PLCH1: variants seen among roughly 807,000 people sequenced by gnomAD.
The protein encoded by PLCH1 is phospholipase C eta 1, also known as 1-phosphatidylinositol 4,5-bisphosphate phosphodiesterase eta-1.
Under a neutral mutation model 126.7 loss-of-function variants are expected in PLCH1, and 60 were observed. The observed-to-expected ratio is 0.47, with a 90% CI of 0.38 to 0.59. PLCH1 has a LOEUF of 0.59. PLCH1 is among the 20% of genes least tolerant of loss of function. PLCH1 has a pLI of 0.00. For missense variants in PLCH1, 1,723 were observed against 2,040.0 expected (o/e 0.84, Z 2.99); for synonymous variants, 719 against 734.9 (o/e 0.98, Z 0.35).
intron 2 of PLCH1, among the ~76,000 whole-genome samples, chr3:155,681,862 G>T (rs182164353): frequency 8.5e-4 from 130 of 152,236 alleles, no homozygotes; most frequent in Admixed American, 9.8e-4. Context: ...AAATAGGGGG[G>T]TTTTTTACTA....
rs1559963329 is a variant in PLCH1 at position 155,722,227 on chromosome 3, G to GCC, written c.-40-17964_-40-17963insGG. ...TGCCCAGGCTGGAGTGCAATGACGT[G>GCC]ATCTCGGCTCACCGCAACCTCTGCC... On this transcript the variant is annotated intron_variant, in intron 1 of 22. Coordinates refer to ENST00000460012, the MANE Select transcript of PLCH1 (RefSeq NM_014996.4). Among the ~76,000 whole-genome samples, 12 of 151,368 alleles carry GCC rather than the reference G, an allele frequency of 7.9e-5. No individual in the cohort carries two copies. In the East Asian group the frequency reaches 1.2e-3, roughly 15 times the overall value.
chr3:155,581,815 C>T (rs140781575), intron 6 of PLCH1, among the ~76,000 whole-genome samples: 2 of 149,514 alleles, frequency 1.3e-5, no homozygotes, highest in Admixed American at 6.7e-5. Context: ...GACGCTATCT[C>T]GGCTCACCAC....
chr3:155,535,037 T>C (rs1723172244), intron 10 of PLCH1, among the ~76,000 whole-genome samples: 1 of 152,162 alleles, frequency 6.6e-6, no homozygotes, highest in Non-Finnish European at 1.5e-5. Context: ...GAGAGAAGGA[T>C]TTGGCCTTAC....
intron 2 of PLCH1, among the ~76,000 whole-genome samples, chr3:155,598,077 G>T (rs1733213620): frequency 6.6e-6 from 1 of 152,018 alleles, no homozygotes; most frequent in African/African-American, 2.4e-5. Flanking sequence ...TCAGGTATTT[G>T]GGAGGTTAAG....
intron 6 of PLCH1, among the ~76,000 whole-genome samples, chr3:155,571,738 T>G (rs985802698): frequency 6.6e-6 from 1 of 152,216 alleles, no homozygotes; most frequent in African/African-American, 2.4e-5. Context: ...AATGCTATAT[T>G]GTACACTTTA....
At chr3:155,552,725 T>C (rs1038398241) in intron 9 of PLCH1, among the ~76,000 whole-genome samples, 1 of 152,124 alleles carries the variant, frequency 6.6e-6, no homozygotes, top group Non-Finnish European at 1.5e-5. Flanking sequence ...TGCCTGTGTA[T>C]TGAGAGAGCT....
chr3:155,482,104 G>GTAACCAGCC lies in PLCH1; in HGVS notation c.3913_3921dup (p.Gly1305_Leu1307dup). ...TCTTCTCCCTTGGTAGGACTTTTTG[G>GTAACCAGCC]TAACCAGCCACGAGAAGTATTAGGG... On this transcript the variant is annotated inframe_insertion, in exon 23 of 23. Transcript: ENST00000460012. 2 of 1,614,130 alleles carry GTAACCAGCC rather than the reference G, an allele frequency of 1.2e-6. No individual in the cohort carries two copies. Among genetic ancestry groups the GTAACCAGCC allele is most frequent in the Non-Finnish European group, 1.7e-6 (2 of 1,180,026 alleles).
chr3:155,482,003 A>G lies in PLCH1; in HGVS notation c.4023T>C (p.Thr1341=). 1 of 1,614,142 alleles carries G rather than the reference A, an allele frequency of 6.2e-7. No homozygotes were observed. Among genetic ancestry groups the G allele is most frequent in the South Asian group, 1.1e-5 (1 of 91,088 alleles). The part of the protein sequence containing the change: ...LTLEDVIADP[T]LCFNSGESSL... ...TGCTCTCCCCAGAATTGAAACAGAG[A>G]GTGGGATCAGCTATTACATCCTCCA... is the stretch of plus-strand genomic sequence containing the variant. The change falls in exon 23 of 23, where the codon ACT becomes ACC. Residue 1341 remains threonine (T), a synonymous_variant. Transcript: ENST00000460012.
chr3:155,585,372 T>C (rs1420514503), intron 5 of PLCH1, among the ~76,000 whole-genome samples: 2 of 152,220 alleles, frequency 1.3e-5, no homozygotes, highest in South Asian at 2.1e-4. Context: ...ACGCAACTTA[T>C]CTTCAAATAA....
intron 2 of PLCH1, among the ~76,000 whole-genome samples, chr3:155,657,207 G>A (rs1741498991): frequency 6.6e-6 from 1 of 152,154 alleles, no homozygotes; most frequent in Non-Finnish European, 1.5e-5. Context: ...AGTTTTCAAG[G>A]CTTTGGAGTC....
At chr3:155,571,350 C>T (rs1729201811) in intron 6 of PLCH1, among the ~76,000 whole-genome samples, 1 of 152,160 alleles carries the variant, frequency 6.6e-6, no homozygotes, top group African/African-American at 2.4e-5. Flanking sequence ...CCCGCCTATA[C>T]CCAGAATCAC....
intron 2 of PLCH1, among the ~76,000 whole-genome samples, chr3:155,647,379 T>A (rs1382033653): frequency 6.6e-6 from 1 of 151,746 alleles, no homozygotes; most frequent in Non-Finnish European, 1.5e-5. Context: ...AGTAATTTAA[T>A]AAGAATGTTT....
intron 1 of PLCH1, among the ~76,000 whole-genome samples, chr3:155,720,431 A>G (rs1054402892): frequency 5.3e-5 from 8 of 152,120 alleles, no homozygotes; most frequent in African/African-American, 1.7e-4. Context: ...GTAAGGTGGT[A>G]TTGCATTGTG....
At chr3:155,561,239 A>G (rs1263943) in intron 8 of PLCH1, among the ~76,000 whole-genome samples, 14 of 149,890 alleles carry the variant, frequency 9.3e-5, no homozygotes, top group East Asian at 2.0e-4. Flanking sequence ...CCACTAACTC[A>G]TCATCTAGCA....
At chr3:155,709,129 T>C (rs1746904463) in intron 1 of PLCH1, among the ~76,000 whole-genome samples, 1 of 152,238 alleles carries the variant, frequency 6.6e-6, no homozygotes, top group Non-Finnish European at 1.5e-5. Context: ...ATCCTAGCAC[T>C]AAATAATATT....
chr3:155,472,154 G>A (rs1226662328), intron 21 of PLCH1, among the ~76,000 whole-genome samples: 7 of 151,724 alleles, frequency 4.6e-5, no homozygotes, highest in Non-Finnish European at 8.8e-5. Flanking sequence ...TTTTTTGAAA[G>A]GATCAACAAA....
chr3:155,593,483 G>A (rs1178446539), intron 4 of PLCH1, among the ~76,000 whole-genome samples: 1 of 152,196 alleles, frequency 6.6e-6, no homozygotes, highest in African/African-American at 2.4e-5. Context: ...AAGCAGGAAG[G>A]AGCTCAGTGC....
At chr3:155,677,116 C>T (rs774951853) in intron 2 of PLCH1, among the ~76,000 whole-genome samples, 5 of 152,220 alleles carry the variant, frequency 3.3e-5, no homozygotes, top group Admixed American at 6.5e-5. Context: ...TTCCAGCATT[C>T]CCTTTCTAAT....
At chr3:155,602,011 T>C (rs1236363587) in intron 2 of PLCH1, among the ~76,000 whole-genome samples, 3 of 152,188 alleles carry the variant, frequency 2.0e-5, no homozygotes, top group Admixed American at 6.5e-5. Context: ...GATGACTATG[T>C]TGTTTCTTAT....
Sources: gnomAD v4.1 joint callset for allele counts (sites outside exome capture counted in the v4.1 genomes callset) on GRCh38, gnomAD v4.1.1 for gene constraint, MANE v1.5 for transcripts, NCBI Gene and HGNC (gene_info 2026-07-23, HGNC 2026-07-21) for gene names.